MIGA1: variants seen among roughly 807,000 people sequenced by gnomAD.
MIGA1 encodes family with sequence similarity 73, member A.
Under a neutral mutation model 82.0 loss-of-function variants are expected in MIGA1, and 58 were observed. That is an observed-to-expected ratio of 0.71 (90% CI 0.57 to 0.88). The LOEUF (loss-of-function observed/expected upper bound fraction) is 0.88, where lower values mean the gene tolerates loss of function less well. MIGA1 is among the 40% of genes least tolerant of loss of function. MIGA1 has a pLI of 0.00. For synonymous variants in MIGA1, 249 were observed against 253.6 expected, an observed-to-expected ratio of 0.98 and a Z score of 0.17; for missense variants, 751 against 749.1, an observed-to-expected ratio of 1.00 and a Z score of -0.03.
chr1:77,876,472 C>T lies in MIGA1; in HGVS notation c.*1408C>T, dbSNP rs561693787. On this transcript the variant is annotated 3_prime_UTR_variant, in exon 16 of 16. Transcript: ENST00000370791. ...CTTTTTATACATTAGAGCATTTTCC[C>T]CTGGAATGAGTATTGATTAAAAAGA... The T allele has an allele frequency of 1.3e-5, 2 of 152,140 alleles. No individual in the cohort carries two copies. The highest frequency in any genetic ancestry group is 1.9e-4 in the East Asian group (1 of 5,186). 9.4% of individuals were successfully genotyped at this position (152,140 alleles called of 1,614,324 possible).
At chr1:77,816,039 G>A (rs1429185541) in intron 7 of MIGA1, among the ~76,000 whole-genome samples, 1 of 152,160 alleles carries the variant, frequency 6.6e-6, no homozygotes, top group East Asian at 1.9e-4. Flanking sequence ...CGCCTCCCAA[G>A]TTCATGCAAT....
chr1:77,875,032 T>G lies in MIGA1; in HGVS notation c.1867T>G (p.Ser623Ala). 1 of 1,614,074 alleles carries G rather than the reference T, an allele frequency of 6.2e-7. No homozygotes were observed. Among genetic ancestry groups the G allele is most frequent in the Admixed American group, 1.7e-5 (1 of 60,024 alleles). Residue 623 changes from serine (S) to alanine (A), a missense_variant, in exon 16 of 16, where the codon TCC (serine) becomes GCC (alanine). Ser to Ala is a moderately conservative substitution (Grantham distance 99, BLOSUM62 1). Transcript: ENST00000370791. The stretch of plus-strand genomic sequence containing the variant: ...TCTAAGCAGTCATGGTCATGTTATG[T>G]CCACTGGGCTACTGGAAGCCAAAGT...
At position 77,805,675 on chromosome 1, in the gene MIGA1, G is replaced by T. The variant is rs1052529241; in HGVS notation, c.511-1300G>T. On this transcript the variant is annotated intron_variant, in intron 4 of 15. Transcript: ENST00000370791. ...CTCCCGAGTAGCTGGGATTACAGGC[G>T]TGCACCACCACACCTGGCTAATTTT... Among the ~76,000 whole-genome samples, 4 of 151,520 alleles carry T rather than the reference G, an allele frequency of 2.6e-5. No individual in the cohort carries two copies. In the East Asian group the frequency reaches 7.8e-4, roughly 29 times the overall value.
At chr1:77,805,461 C>T (rs201061317) in intron 4 of MIGA1, among the ~76,000 whole-genome samples, 770 of 110,120 alleles carry the variant, frequency 7.0e-3, no homozygotes, top group Non-Finnish European at 8.1e-3. Flanking sequence ...TATGCCTATT[C>T]TTTTTTTTTT....
chr1:77,791,512 A>G (rs1429576924), intron 2 of MIGA1, among the ~76,000 whole-genome samples: 2 of 151,056 alleles, frequency 1.3e-5, no homozygotes, highest in African/African-American at 2.4e-5. Context: ...GTTTGTGTGG[A>G]CATGTTTTTA....
At chr1:77,852,401 G>A (rs1685087707) in intron 8 of MIGA1, among the ~76,000 whole-genome samples, 1 of 152,090 alleles carries the variant, frequency 6.6e-6, no homozygotes, top group African/African-American at 2.4e-5. Flanking sequence ...AAAATATGAG[G>A]GGAAATGTTA....
intron 2 of MIGA1, among the ~76,000 whole-genome samples, chr1:77,789,000 TA>T (rs1682294869): frequency 6.6e-6 from 1 of 152,170 alleles, no homozygotes; most frequent in Non-Finnish European, 1.5e-5. Context: ...CTTTGGGTAG[TA>T]TTGACATCTT....
At chr1:77,849,935 T>C (rs1684981928) in intron 8 of MIGA1, among the ~76,000 whole-genome samples, 1 of 151,656 alleles carries the variant, frequency 6.6e-6, no homozygotes, top group Admixed American at 6.6e-5. Context: ...CGTAGTAGGC[T>C]GAGGCAGGAG....
At chr1:77,788,283 A>G (rs1355035616) in intron 2 of MIGA1, among the ~76,000 whole-genome samples, 1 of 152,070 alleles carries the variant, frequency 6.6e-6, no homozygotes, top group Non-Finnish European at 1.5e-5. Flanking sequence ...GATTATAGGC[A>G]TGAGCCAGTG....
At chr1:77,841,607 G>A (rs892058089) in intron 7 of MIGA1, among the ~76,000 whole-genome samples, 1 of 151,120 alleles carries the variant, frequency 6.6e-6, no homozygotes. Context: ...AGAGTCACAA[G>A]TTGTGTTTTT....
In MIGA1 at chr1:77,860,050, C is replaced by T; in HGVS notation, c.1199C>T (p.Ser400Leu). 6.2e-7 allele frequency: 1 copy of T among 1,605,694 alleles called. No homozygotes were observed. The highest frequency in any genetic ancestry group is 8.5e-7 in the Non-Finnish European group (1 of 1,175,660). ...TGAATATTTTTTCAGGTAATTCTTT[C>T]AGAATCAGCTAACAGGATATTCCTC... The change falls in exon 11 of 16, where the codon TCA becomes TTA. Residue 400 changes from serine (S) to leucine (L), a missense_variant. Ser to Leu is a moderately radical substitution (Grantham distance 145). Around this residue, in one of 3 missense-constraint regions of MIGA1, gnomAD observed 265 missense variants for 293.6 expected, o/e 0.90. Transcript: ENST00000370791.
intron 8 of MIGA1, among the ~76,000 whole-genome samples, chr1:77,852,842 C>T (rs951100227): frequency 7.9e-5 from 12 of 152,124 alleles, no homozygotes; most frequent in Non-Finnish European, 1.3e-4. Flanking sequence ...AGGCATGTGC[C>T]ACCACACCTG....
chr1:77,818,106 C>T (rs1410539616), intron 7 of MIGA1, among the ~76,000 whole-genome samples: 1 of 151,620 alleles, frequency 6.6e-6, no homozygotes, highest in Admixed American at 6.6e-5. Flanking sequence ...CAGGTGTGTG[C>T]CACCACGTCC....
intron 7 of MIGA1, among the ~76,000 whole-genome samples, chr1:77,828,339 G>C (rs956467514): frequency 6.6e-6 from 1 of 152,144 alleles, no homozygotes; most frequent in Non-Finnish European, 1.5e-5. Flanking sequence ...TTGAAACTTT[G>C]GGGTTGGGAC....
At chr1:77,834,078 A>T (rs1684339816) in intron 7 of MIGA1, among the ~76,000 whole-genome samples, 1 of 152,242 alleles carries the variant, frequency 6.6e-6, no homozygotes, top group African/African-American at 2.4e-5. Flanking sequence ...ATTATTTCAC[A>T]TGGGTGAAAC....
intron 8 of MIGA1, among the ~76,000 whole-genome samples, chr1:77,853,124 G>A (rs765647724): frequency 4.6e-5 from 7 of 152,160 alleles, no homozygotes; most frequent in African/African-American, 1.7e-4. Flanking sequence ...GAATCATAGC[G>A]TAGACATTCA....
At chr1:77,832,803 G>A (rs751177172) in intron 7 of MIGA1, among the ~76,000 whole-genome samples, 4 of 152,206 alleles carry the variant, frequency 2.6e-5, no homozygotes, top group African/African-American at 7.2e-5. Flanking sequence ...ATTATAAGAA[G>A]TCATAATCAA....
intron 2 of MIGA1, among the ~76,000 whole-genome samples, chr1:77,791,719 A>G (rs1461896212): frequency 6.6e-6 from 1 of 151,756 alleles, no homozygotes; most frequent in African/African-American, 2.4e-5. Flanking sequence ...GCACACCACC[A>G]TGCCTGGCTA....
At chr1:77,857,279 G>A (rs1455908562) in intron 8 of MIGA1, among the ~76,000 whole-genome samples, 11 of 150,348 alleles carry the variant, frequency 7.3e-5, no homozygotes, top group Admixed American at 7.3e-4. Context: ...GAAATGCGAG[G>A]TACTATTACA....
Sources: gnomAD v4.1 joint callset for allele counts (sites outside exome capture counted in the v4.1 genomes callset) on GRCh38, gnomAD v4.1.1 for gene constraint, gnomAD v4.1.1 regional missense constraint, MANE v1.5 for transcripts, NCBI Gene and HGNC (gene_info 2026-07-23, HGNC 2026-07-21) for gene names.